The following PRR20G variants were observed in gnomAD, a reference collection of about 807,000 sequenced individuals.
PRR20G encodes proline-rich protein 20G.
At chr3:127,286,941 T>G (rs548114030) in intron 2 of PRR20G, among the ~76,000 whole-genome samples, 2 of 151,962 alleles carry the variant, frequency 1.3e-5, no homozygotes, top group African/African-American at 4.8e-5. Context: ...TACTGGCTCC[T>G]GGGCGGTGGG....
chr3:127,285,524 G>A (rs796069386), intron 2 of PRR20G, among the ~76,000 whole-genome samples: 11 of 152,270 alleles, frequency 7.2e-5, no homozygotes, highest in African/African-American at 2.6e-4. Flanking sequence ...CTAGACAAAC[G>A]TCTACAGAAA....
rs140748123 is a variant in PRR20G at position 127,284,106 on chromosome 3, G to A, written c.587C>T (p.Thr196Ile). ...GAACACTGGGACACTCTGCACGATG[G>A]TGCTATTAGAGGTCTGCACGATGCA... is the stretch of plus-strand genomic sequence containing the variant. The part of the protein sequence containing the change: ...TLCIVQTSNS[T>I]IVQSVPVFPA... Residue 196 changes from threonine (T) to isoleucine (I), a missense_variant, in exon 3 of 3, where the codon ACC becomes ATC. Coordinates refer to ENST00000465482, the MANE Select transcript of PRR20G (RefSeq NM_001362810.2). 1 of 152,374 alleles carries A rather than the reference G, an allele frequency of 6.6e-6. No individual in the cohort carries two copies. The highest frequency in any genetic ancestry group is 2.4e-5 in the African/African-American group (1 of 41,540). 9.4% of individuals were successfully genotyped at this position (152,374 alleles called of 1,614,324 possible).
At chr3:127,287,253 T>C (rs1365673960) in intron 2 of PRR20G, among the ~76,000 whole-genome samples, 61 bp downstream of exon 2, 2 of 152,250 alleles carry the variant, frequency 1.3e-5, no homozygotes, top group South Asian at 2.1e-4. Flanking sequence ...TATAAGTCAA[T>C]ACCAAAGGTA....
intron 1 of PRR20G, among the ~76,000 whole-genome samples, 157 bp from the exon 2 acceptor site, chr3:127,287,529 G>T (rs1256560207): frequency 6.6e-6 from 1 of 152,206 alleles, no homozygotes; most frequent in Non-Finnish European, 1.5e-5. Flanking sequence ...AGCCCGCGGG[G>T]CGCAGCCAGG....
At chr3:127,287,079 G>A (rs1029846297) in intron 2 of PRR20G, among the ~76,000 whole-genome samples, 4 of 152,104 alleles carry the variant, frequency 2.6e-5, no homozygotes, top group Non-Finnish European at 5.9e-5. Flanking sequence ...AGTCTAAACG[G>A]AAAAAGAAAT....
intron 2 of PRR20G, among the ~76,000 whole-genome samples, chr3:127,285,230 C>T (rs2080381452): frequency 6.6e-6 from 1 of 152,136 alleles, no homozygotes; most frequent in South Asian, 2.1e-4. Flanking sequence ...TGCAAGTAAG[C>T]ATCTTAACAT....
intron 2 of PRR20G, among the ~76,000 whole-genome samples, chr3:127,287,036 A>G (rs2080391124): frequency 6.6e-6 from 1 of 151,874 alleles, no homozygotes; most frequent in African/African-American, 2.4e-5. Flanking sequence ...ACAGCTAAAT[A>G]CTCCACTACT....
chr3:127,286,075 G>A (rs1489415864), intron 2 of PRR20G, among the ~76,000 whole-genome samples: 1 of 152,096 alleles, frequency 6.6e-6, no homozygotes, highest in African/African-American at 2.4e-5. Flanking sequence ...ATGATGGAAA[G>A]GAAGGAAGAT....
At chr3:127,286,950 G>C (rs1211090493) in intron 2 of PRR20G, among the ~76,000 whole-genome samples, 1 of 152,156 alleles carries the variant, frequency 6.6e-6, no homozygotes, top group Non-Finnish European at 1.5e-5. Flanking sequence ...CTGGGCGGTG[G>C]GGGAGGGGCA....
At chr3:127,285,485 A>C (rs2080382695) in intron 2 of PRR20G, among the ~76,000 whole-genome samples, 1 of 152,184 alleles carries the variant, frequency 6.6e-6, no homozygotes, top group African/African-American at 2.4e-5. Flanking sequence ...TACATGATTG[A>C]GCAATGGAAC....
At chr3:127,286,234 C>T (rs1195683619) in intron 2 of PRR20G, among the ~76,000 whole-genome samples, 1 of 152,154 alleles carries the variant, frequency 6.6e-6, no homozygotes, top group Non-Finnish European at 1.5e-5. Flanking sequence ...CAGGATTCAA[C>T]ATGTCTCAAA....
rs552156712 is a variant in PRR20G, at chr3:127,287,885, T to C, written c.-14A>G. ...GGGACACCCAGACACACACCTGATC[T>C]CCCTGCAGCTGGCTCTCTTCTATGG... On this transcript the variant is annotated 5_prime_UTR_variant, in exon 1 of 3. Coordinates refer to ENST00000465482, the MANE Select transcript of PRR20G (RefSeq NM_001362810.2). Among the ~76,000 whole-genome samples, 4 of 152,188 alleles carry C rather than the reference T, an allele frequency of 2.6e-5. No individual in the cohort carries two copies. In the East Asian group the frequency reaches 7.8e-4, roughly 30 times the overall value.
intron 2 of PRR20G, among the ~76,000 whole-genome samples, chr3:127,285,203 T>A (rs1039144691): frequency 5.9e-5 from 9 of 152,188 alleles, no homozygotes; most frequent in African/African-American, 1.7e-4. Context: ...AAGAAAAATG[T>A]TTACATTACT....
At position 127,284,457 on chromosome 3, in the gene PRR20G, C is replaced by A. The variant is rs575293868; in HGVS notation, c.236G>T (p.Gly79Val). Residue 79 changes from glycine (G) to valine (V), a missense_variant, in exon 3 of 3, where the codon GGT (glycine) becomes GTT (valine). Coordinates refer to ENST00000465482, the MANE Select transcript of PRR20G (RefSeq NM_001362810.2). Reference protein sequence around the residue: ...GQRGGGSWRAGRGRGSGAGLL... With the variant: ...GQRGGGSWRAVRGRGSGAGLL... The stretch of plus-strand genomic sequence containing the variant: ...CCCAGCCCCACTGCCGCGGCCTCGA[C>A]CTGCCCGCCAGCTTCCTCCCCCACG... 8.0e-4 allele frequency: 124 copies of A among 154,176 alleles called. 3 individuals carry two copies. The highest frequency in any genetic ancestry group is 1.0e-3 in the Non-Finnish European group (72 of 69,164). The allele number at this position is 154,176 out of a possible 1,614,324, so 9.6% of individuals were successfully genotyped here. A position where few individuals can be genotyped will look rare whatever the true frequency, so the allele number is the denominator to read the frequency against.
At chr3:127,286,328 C>A (rs1197027781) in intron 2 of PRR20G, among the ~76,000 whole-genome samples, 1 of 152,094 alleles carries the variant, frequency 6.6e-6, no homozygotes, top group African/African-American at 2.4e-5. Flanking sequence ...GATTTCCCAC[C>A]CAAAATTTGA....
chr3:127,286,817 T>G (rs564679903), intron 2 of PRR20G, among the ~76,000 whole-genome samples: 1 of 152,160 alleles, frequency 6.6e-6, no homozygotes, highest in South Asian at 2.1e-4. Context: ...TTTAAGTAAT[T>G]GGGGAAGAAT....
intron 1 of PRR20G, among the ~76,000 whole-genome samples, 73 bp from the exon 2 acceptor site, chr3:127,287,445 G>A (rs558538776): frequency 6.6e-6 from 1 of 152,276 alleles, no homozygotes; most frequent in South Asian, 2.1e-4. Flanking sequence ...CAAGCGTCAC[G>A]CAGCGATGCG....
At chr3:127,285,683 A>G (rs1400210401) in intron 2 of PRR20G, among the ~76,000 whole-genome samples, 1 of 152,202 alleles carries the variant, frequency 6.6e-6, no homozygotes, top group Non-Finnish European at 1.5e-5. Context: ...AACCCAATCA[A>G]CAAGCCCCAT....
chr3:127,285,735 T>A (rs1439513238), intron 2 of PRR20G, among the ~76,000 whole-genome samples: 1 of 152,176 alleles, frequency 6.6e-6, no homozygotes, highest in Non-Finnish European at 1.5e-5. Flanking sequence ...TGGGTCCCAT[T>A]TTTAAACTAT....
Sources: allele counts gnomAD v4.1 joint callset (sites outside exome capture counted in the v4.1 genomes callset), GRCh38; gene constraint gnomAD v4.1.1; transcripts MANE v1.5; gene names NCBI Gene and HGNC (gene_info 2026-07-23, HGNC 2026-07-21).